The following PTPRN2 variants were observed in gnomAD, a reference collection of about 807,000 sequenced individuals.
PTPRN2 encodes the protein receptor-type tyrosine-protein phosphatase N2.
Under a neutral mutation model 118.8 loss-of-function variants are expected in PTPRN2, and 74 were observed. The ratio of observed to expected loss-of-function variants is 0.62; its 90% CI spans 0.52 to 0.76. The LOEUF (loss-of-function observed/expected upper bound fraction) is 0.76, where lower values mean the gene tolerates loss of function less well. Ranked by LOEUF, PTPRN2 falls within the 30% of genes least tolerant of loss-of-function variation. The pLI is 0.00. For synonymous variants in PTPRN2, 641 were observed against 608.0 expected, an observed-to-expected ratio of 1.05 and a Z score of -0.80; for missense variants, 1,481 against 1,394.4, an observed-to-expected ratio of 1.06 and a Z score of -0.99.
intron 2 of PTPRN2, among the ~76,000 whole-genome samples, chr7:158,418,221 C>T (rs1400230224): frequency 2.0e-5 from 3 of 149,680 alleles, no homozygotes; most frequent in Admixed American, 6.7e-5. Flanking sequence ...TGTACTACAT[C>T]GAGATGCTCT....
chr7:158,500,390 T>C (rs908562503), intron 1 of PTPRN2, among the ~76,000 whole-genome samples: 2 of 152,220 alleles, frequency 1.3e-5, no homozygotes, highest in African/African-American at 2.4e-5. Context: ...TACCGTCCAC[T>C]GTAGATACAG....
chr7:158,585,678 C>G (rs141533548), intron 1 of PTPRN2, among the ~76,000 whole-genome samples: 259 of 152,318 alleles, frequency 1.7e-3, no homozygotes, highest in Admixed American at 4.4e-3. Context: ...TCTCAGCTAC[C>G]CCCCACCTTT....
chr7:158,330,017 T>A (rs958541263), intron 2 of PTPRN2, among the ~76,000 whole-genome samples: 22 of 151,106 alleles, frequency 1.5e-4, no homozygotes, highest in Non-Finnish European at 2.7e-4. Flanking sequence ...ACACCCACAC[T>A]CTCACCATAA....
intron 2 of PTPRN2, among the ~76,000 whole-genome samples, chr7:158,488,623 T>C (rs1821201796): frequency 6.6e-6 from 1 of 152,200 alleles, no homozygotes; most frequent in South Asian, 2.1e-4. Flanking sequence ...AGGCCTGTCC[T>C]GAAAGGCCCC....
chr7:157,711,460 CA>C lies in PTPRN2; in HGVS notation c.1789-28524del, dbSNP rs1798613284. On this transcript the variant is annotated intron_variant, in intron 12 of 22. Transcript: ENST00000389418. ...CCACGCGCCGGAGGTCCGGTTTGTG[CA>C]CCTGCACACGGGTCCTGTCTGTGCT... Among the ~76,000 whole-genome samples the C allele has an allele frequency of 4.3e-5, 2 of 46,376 alleles. 1 individual carries two copies. The highest frequency in any genetic ancestry group is 1.5e-4 in the Non-Finnish European group (2 of 13,418). The allele number at this position is 46,376 out of a possible 152,430, so 30.4% of individuals were successfully genotyped here.
intron 12 of PTPRN2, among the ~76,000 whole-genome samples, chr7:157,790,488 T>G (rs4716495): frequency 3.3e-5 from 5 of 151,928 alleles, no homozygotes; most frequent in African/African-American, 1.2e-4. Flanking sequence ...AGACCAGTAG[T>G]ACAAAACAGA....
chr7:158,450,755 G>A (rs1818044568), intron 2 of PTPRN2, among the ~76,000 whole-genome samples: 1 of 152,206 alleles, frequency 6.6e-6, no homozygotes, highest in African/African-American at 2.4e-5. Flanking sequence ...CACCACCAAA[G>A]TGCATGTGGG....
At chr7:158,226,825 T>A (rs1052230055) in intron 3 of PTPRN2, among the ~76,000 whole-genome samples, 6 of 152,114 alleles carry the variant, frequency 3.9e-5, no homozygotes, top group Non-Finnish European at 5.9e-5. Context: ...TATTCTCTTC[T>A]GTCTCACTTT....
rs911844301 is a variant in PTPRN2, at chr7:157,787,128, G to A, written c.1789-104191C>T. On this transcript the variant is annotated intron_variant, in intron 12 of 22. Transcript: ENST00000389418. The surrounding 1 kb of genome is among the most constrained non-coding windows in gnomAD (Gnocchi z 5.3). ...GGCGGACGCGGGTGCGGCGGGGGACGCGGGGGTGGCTGCCCGGGAGGCGGA... is the reference window on the plus strand; with the variant it reads ...GGCGGACGCGGGTGCGGCGGGGGACACGGGGGTGGCTGCCCGGGAGGCGGA... Among the ~76,000 whole-genome samples, 1 of 142,470 alleles carries A rather than the reference G, an allele frequency of 7.0e-6. No homozygotes were observed. The highest frequency in any genetic ancestry group is 2.6e-5 in the African/African-American group (1 of 38,450). The allele number at this position is 142,470 out of a possible 152,430, so 93.5% of individuals were successfully genotyped here. A position where few individuals can be genotyped will look rare whatever the true frequency, so the allele number is the denominator to read the frequency against.
At chr7:158,344,961 C>T (rs187636322) in intron 2 of PTPRN2, among the ~76,000 whole-genome samples, 38 of 152,270 alleles carry the variant, frequency 2.5e-4, no homozygotes, top group African/African-American at 9.1e-4. Flanking sequence ...GAGCTTTAGG[C>T]AGAAGACAGC....
chr7:157,869,725 C>A lies in PTPRN2; in HGVS notation c.1788+28948G>T, dbSNP rs1038750931. 5.9e-5 allele frequency among the ~76,000 whole-genome samples: 9 copies of A among 152,146 alleles called. No homozygotes were observed. The highest frequency in any genetic ancestry group is 1.3e-4 in the Non-Finnish European group (9 of 68,020). ...TCATCGGAACTCTTGCTAAATTGCC[C>A]GTGTTTGATGAGAGGAGTGAGCTGA... On this transcript the variant is annotated intron_variant, in intron 12 of 22. Coordinates refer to ENST00000389418, the MANE Select transcript of PTPRN2 (RefSeq NM_002847.5). This position sits in a 1 kb window ranked among gnomAD's most constrained non-coding sequence, Gnocchi z 4.2.
intron 10 of PTPRN2, among the ~76,000 whole-genome samples, chr7:158,104,915 A>C (rs888526577): frequency 7.0e-6 from 1 of 142,392 alleles, no homozygotes; most frequent in African/African-American, 2.7e-5. Context: ...CTCCATCCCA[A>C]GTCCACACAG....
chr7:157,983,710 G>C (rs1803494842), intron 11 of PTPRN2, among the ~76,000 whole-genome samples: 1 of 152,234 alleles, frequency 6.6e-6, no homozygotes, highest in African/African-American at 2.4e-5. Context: ...GCTTGAGACC[G>C]TGCTGCCGAC....
At chr7:158,278,282 G>A (rs1242827578) in intron 3 of PTPRN2, among the ~76,000 whole-genome samples, 1 of 151,980 alleles carries the variant, frequency 6.6e-6, no homozygotes, top group African/African-American at 2.4e-5. Flanking sequence ...CCAGGGAGGA[G>A]GAAACAAGGT....
chr7:158,262,610 T>C (rs1022893743), intron 3 of PTPRN2, among the ~76,000 whole-genome samples: 3 of 133,844 alleles, frequency 2.2e-5, no homozygotes, highest in Non-Finnish European at 3.1e-5. Flanking sequence ...TCACACACAC[T>C]GCACACACAC....
intron 2 of PTPRN2, among the ~76,000 whole-genome samples, chr7:158,450,532 A>G (rs1402419301): frequency 6.6e-6 from 1 of 151,908 alleles, no homozygotes; most frequent in Admixed American, 6.6e-5. Context: ...TGGAACCCCC[A>G]CCCCTGCTGC....
intron 12 of PTPRN2, among the ~76,000 whole-genome samples, chr7:157,726,636 AG>A (rs1419825085): frequency 6.6e-6 from 1 of 152,260 alleles, no homozygotes; most frequent in East Asian, 1.9e-4. Flanking sequence ...CAGGCACAAA[AG>A]AAAAAAATAG....
chr7:158,135,496 C>T (rs1042518822), intron 8 of PTPRN2, among the ~76,000 whole-genome samples: 1 of 151,996 alleles, frequency 6.6e-6, no homozygotes, highest in African/African-American at 2.4e-5. Flanking sequence ...ACTCACATAC[C>T]CTTTTTGAGA....
intron 3 of PTPRN2, among the ~76,000 whole-genome samples, chr7:158,315,269 GAAGGACAGAGGTGAACCCGGGACC>G (rs1802214620): frequency 1.7e-5 from 1 of 57,552 alleles, no homozygotes; most frequent in African/African-American, 6.4e-5. Flanking sequence ...GGGACCCCCT[GAAGGACAGAGGTGAACCCGGGACC>G]CCCTGAAGGA....
Sources: gnomAD v4.1 joint callset for allele counts (sites outside exome capture counted in the v4.1 genomes callset) on GRCh38, gnomAD v4.1.1 for gene constraint, Gnocchi (gnomAD v3.1) non-coding constraint, MANE v1.5 for transcripts, NCBI Gene and HGNC (gene_info 2026-07-23, HGNC 2026-07-21) for gene names.